Variants in FRMD4B observed in about 807,000 individuals in gnomAD.
FRMD4B encodes the protein FERM domain containing 4B, also known as FERM domain-containing protein 4B.
FRMD4B carries 74 observed loss-of-function variants against 141.5 expected under a neutral mutation model. That is an observed-to-expected ratio of 0.52 (90% CI 0.43 to 0.63). FRMD4B has a LOEUF of 0.63. Among genes scored for constraint, FRMD4B ranks in the 30% least tolerant of loss-of-function variants. The pLI is 0.00. For synonymous variants in FRMD4B, 506 were observed against 467.9 expected, an observed-to-expected ratio of 1.08 and a Z score of -1.05; for missense variants, 1,366 against 1,253.4, an observed-to-expected ratio of 1.09 and a Z score of -1.36.
intron 1 of FRMD4B, among the ~76,000 whole-genome samples, chr3:69,344,030 T>C (rs1702843998): frequency 6.6e-6 from 1 of 152,186 alleles, no homozygotes; most frequent in Non-Finnish European, 1.5e-5. Context: ...GCCTGACACA[T>C]TGCTGGTGCA....
chr3:69,537,389 G>A (rs1400765741), intron 1 of FRMD4B, among the ~76,000 whole-genome samples: 1 of 152,180 alleles, frequency 6.6e-6, no homozygotes, highest in Non-Finnish European at 1.5e-5. Flanking sequence ...GCAGAATAGA[G>A]CACTCATTTG....
intron 1 of FRMD4B, among the ~76,000 whole-genome samples, chr3:69,535,477 A>G (rs1701069985): frequency 6.6e-6 from 1 of 152,242 alleles, no homozygotes; most frequent in Admixed American, 6.5e-5. Context: ...TAGTTCTACT[A>G]TTATTTGTTG....
rs1575602319 is a variant in FRMD4B, at chr3:69,530,589, G to A, written c.-129+11617C>T. ...TTTTTTAATAAATTACCCAGCCTCAGGTATACCTTTATAGCAACACAAAAT... is the reference window on the plus strand; with the variant it reads ...TTTTTTAATAAATTACCCAGCCTCAAGTATACCTTTATAGCAACACAAAAT... On this transcript the variant is annotated intron_variant, in intron 1 of 5. Transcript: ENST00000459638. Among the ~76,000 whole-genome samples, 8 of 151,698 alleles carry A rather than the reference G, an allele frequency of 5.3e-5. No homozygotes were observed. The South Asian group carries it at 1.7e-3, about 32-fold the overall frequency.
At chr3:69,242,459 T>G (rs1365940951) in intron 7 of FRMD4B, among the ~76,000 whole-genome samples, 1 of 139,718 alleles carries the variant, frequency 7.2e-6, no homozygotes, top group African/African-American at 2.6e-5. Context: ...GAAATTCCTT[T>G]CCCATGGGAA....
At chr3:69,205,177 T>A (rs2093012800) in intron 11 of FRMD4B, among the ~76,000 whole-genome samples, 3 of 151,856 alleles carry the variant, frequency 2.0e-5, no homozygotes, top group Admixed American at 2.0e-4. Flanking sequence ...CCCCTTTTTT[T>A]TTTGTATGAG....
At chr3:69,226,978 A>G (rs370327233) in intron 7 of FRMD4B, among the ~76,000 whole-genome samples, 1 of 152,180 alleles carries the variant, frequency 6.6e-6, no homozygotes, top group Admixed American at 6.5e-5. Flanking sequence ...CATTTAATAC[A>G]TGTCTGCTAA....
At chr3:69,406,498 T>C (rs762967943) in intron 2 of FRMD4B, among the ~76,000 whole-genome samples, 2 of 152,202 alleles carry the variant, frequency 1.3e-5, no homozygotes, top group East Asian at 1.9e-4. Context: ...CACATTTCCA[T>C]TGTAAAATAT....
intron 1 of FRMD4B, among the ~76,000 whole-genome samples, chr3:69,385,246 A>AC (rs1373484578): frequency 5.3e-5 from 8 of 151,644 alleles, no homozygotes; most frequent in South Asian, 2.1e-4. Flanking sequence ...TAGCCGGGCC[A>AC]CCCCTCCCTT....
At chr3:69,538,763 C>T (rs1200425802) in intron 1 of FRMD4B, among the ~76,000 whole-genome samples, 2 of 152,118 alleles carry the variant, frequency 1.3e-5, no homozygotes, top group African/African-American at 2.4e-5. Flanking sequence ...CATCTAGCAA[C>T]AGAAAATTGT....
intron 3 of FRMD4B, 117 bp from the exon 4 acceptor site, chr3:69,302,552 C>T (rs1247277653): frequency 6.1e-6 from 4 of 659,496 alleles, no homozygotes. Flanking sequence ...GGTAGGAGCA[C>T]AACCTGTTAC....
At chr3:69,256,253 C>T (rs759750077) in intron 5 of FRMD4B, among the ~76,000 whole-genome samples, 5 of 151,992 alleles carry the variant, frequency 3.3e-5, no homozygotes, top group Admixed American at 6.6e-5. Context: ...TAACTCACAT[C>T]TCATTTCTCC....
chr3:69,233,507 T>C (rs2093325213), intron 7 of FRMD4B, among the ~76,000 whole-genome samples: 1 of 151,564 alleles, frequency 6.6e-6, no homozygotes, highest in Non-Finnish European at 1.5e-5. Context: ...AAAGATTAAC[T>C]TGGGTCTGGA....
chr3:69,533,261 A>G (rs532008383), intron 1 of FRMD4B, among the ~76,000 whole-genome samples: 8 of 152,352 alleles, frequency 5.3e-5, no homozygotes, highest in Admixed American at 1.3e-4. Context: ...GAGAAAGGCA[A>G]GCTCTCATGC....
intron 1 of FRMD4B, among the ~76,000 whole-genome samples, chr3:69,478,521 G>A (rs1329336700): frequency 6.6e-6 from 1 of 152,184 alleles, no homozygotes; most frequent in Non-Finnish European, 1.5e-5. Flanking sequence ...GGTTTTGAGT[G>A]AGTTTCTTAA....
chr3:69,456,756 T>C (rs1369588447), intron 1 of FRMD4B, among the ~76,000 whole-genome samples: 17 of 151,152 alleles, frequency 1.1e-4, no homozygotes, highest in Non-Finnish European at 2.4e-4. Flanking sequence ...AAAAAGCATA[T>C]GTCTGTACAT....
chr3:69,453,905 A>G (rs962859984), intron 1 of FRMD4B, among the ~76,000 whole-genome samples: 1 of 152,178 alleles, frequency 6.6e-6, no homozygotes, highest in Non-Finnish European at 1.5e-5. Flanking sequence ...AGAAGCCTAG[A>G]AAACAAGAGT....
intron 1 of FRMD4B, among the ~76,000 whole-genome samples, chr3:69,325,754 T>G (rs1276920682): frequency 6.6e-6 from 1 of 152,212 alleles, no homozygotes; most frequent in Non-Finnish European, 1.5e-5. Flanking sequence ...GTATCATCAG[T>G]AATACACCAT....
intron 5 of FRMD4B, among the ~76,000 whole-genome samples, chr3:69,259,443 A>T (rs1308493732): frequency 6.6e-6 from 1 of 152,212 alleles, no homozygotes; most frequent in Non-Finnish European, 1.5e-5. Context: ...CTGGTATAAA[A>T]GCATTCAATA....
At chr3:69,452,052 T>C (rs139938856) in intron 1 of FRMD4B, among the ~76,000 whole-genome samples, 28 of 152,378 alleles carry the variant, frequency 1.8e-4, no homozygotes, top group African/African-American at 6.7e-4. Flanking sequence ...CACTGAGTTG[T>C]TCCTCTCCAG....
Sources: allele counts gnomAD v4.1 joint callset (sites outside exome capture counted in the v4.1 genomes callset), GRCh38; gene constraint gnomAD v4.1.1; transcripts MANE v1.5; gene names NCBI Gene and HGNC (gene_info 2026-07-23, HGNC 2026-07-21).